EOGT: variants seen among roughly 807,000 people sequenced by gnomAD.
EOGT encodes the protein EGF domain specific O-linked N-acetylglucosamine transferase.
Under a neutral mutation model 70.5 loss-of-function variants are expected in EOGT, and 55 were observed. The observed-to-expected ratio is 0.78, with a 90% CI of 0.63 to 0.98. The LOEUF is 0.98. EOGT is among the 50% of genes least tolerant of loss of function. The pLI, the probability that EOGT is intolerant of heterozygous loss-of-function variation, is 0.00. For synonymous variants in EOGT, 246 were observed against 217.1 expected (o/e 1.13, Z -1.17); for missense variants, 703 against 641.9 (o/e 1.10, Z -1.03).
chr3:68,976,652 G>GTGTGTA lies in EOGT; in HGVS notation c.*965_*966insTACACA, dbSNP rs1196378828. 1 of 152,230 alleles carries GTGTGTA rather than the reference G, an allele frequency of 6.6e-6. No homozygotes were observed. Among genetic ancestry groups the GTGTGTA allele is most frequent in the African/African-American group, 2.4e-5 (1 of 41,240 alleles). The allele number at this position is 152,230 out of a possible 1,614,324, so 9.4% of individuals were successfully genotyped here. A position where few individuals can be genotyped will look rare whatever the true frequency, so the allele number is the denominator to read the frequency against. On this transcript the variant is annotated 3_prime_UTR_variant, in exon 18 of 18. Transcript: ENST00000383701. ...GAATCACAACTCTGCGTGTGTGTGT[G>GTGTGTA]TGTGTGTGTGTGTGTGTGTATGTTT...
intron 15 of EOGT, among the ~76,000 whole-genome samples, chr3:68,981,971 A>G (rs942411988): frequency 1.3e-5 from 2 of 151,988 alleles, no homozygotes; most frequent in Non-Finnish European, 2.9e-5. Context: ...CAATGGTGCA[A>G]TGTCAGCTCC....
chr3:69,009,307 T>A lies in EOGT; in HGVS notation c.210+330A>T, dbSNP rs1007630198. On this transcript the variant is annotated intron_variant, in intron 4 of 17. Transcript: ENST00000383701. ...CTAACCGATCCTCTCATGTGCCGTT[T>A]AAGAAAGAAGAGGTGTGAAATTCTT... Among the ~76,000 whole-genome samples, 29 of 152,252 alleles carry A rather than the reference T, an allele frequency of 1.9e-4. 1 individual carries two copies. Among genetic ancestry groups the A allele is most frequent in the Admixed American group, 2.6e-4 (4 of 15,288 alleles).
At position 68,987,532 on chromosome 3, in the gene EOGT, G is replaced by A. The variant is rs4855541; in HGVS notation, c.1084-19C>T. On this transcript the variant is annotated intron_variant, in intron 13 of 17. Coordinates refer to ENST00000383701, the MANE Select transcript of EOGT (RefSeq NM_001278689.2). ...TTCCATCCTGTAATCAAAATGAAACGGTAAAATAACACTGCATATGCCTGG... is the reference window on the plus strand; with the variant it reads ...TTCCATCCTGTAATCAAAATGAAACAGTAAAATAACACTGCATATGCCTGG... The A allele has an allele frequency of 0.35, 548,451 of 1,584,946 alleles. 99,415 individuals are homozygous for A. Among genetic ancestry groups the A allele is most frequent in the East Asian group, 0.54 (24,181 of 44,594 alleles).
At position 69,008,544 on chromosome 3, in the gene EOGT, TAC is replaced by T. The variant is rs779913919; in HGVS notation, c.211-18_211-17del. On this transcript the variant is annotated splice_polypyrimidine_tract_variant and intron_variant, in intron 4 of 17. Coordinates refer to ENST00000383701, the MANE Select transcript of EOGT (RefSeq NM_001278689.2). Reference sequence around the variant, plus strand: ...CTAGGTGTTTCTAGAACATAAAACTTACATTGATTTCCCTTCTTCTGACATTT... The same window carrying T: ...CTAGGTGTTTCTAGAACATAAAACTTATTGATTTCCCTTCTTCTGACATTT... The T allele has an allele frequency of 2.6e-6, 4 of 1,567,976 alleles. No individual in the cohort carries two copies. In the African/African-American group the frequency reaches 5.4e-5, roughly 21 times the overall value.
intron 9 of EOGT, among the ~76,000 whole-genome samples, chr3:69,000,031 G>A (rs1413287252): frequency 6.6e-6 from 1 of 152,144 alleles, no homozygotes; most frequent in Non-Finnish European, 1.5e-5. Flanking sequence ...AGACCAGTCT[G>A]AGCAATCCAT....
intron 10 of EOGT, among the ~76,000 whole-genome samples, chr3:68,997,647 G>A (rs982522566): frequency 6.6e-5 from 10 of 152,094 alleles, no homozygotes; most frequent in African/African-American, 2.4e-5. Context: ...GTGATTATAG[G>A]CGTGAGCCAC....
chr3:68,996,646 C>T lies in EOGT; in HGVS notation c.831+1365G>A, dbSNP rs143687051. Among the ~76,000 whole-genome samples the T allele has an allele frequency of 3.1e-3, 472 of 152,288 alleles. 3 individuals are homozygous for T. Among genetic ancestry groups the T allele is most frequent in the African/African-American group, 0.011 (442 of 41,568 alleles). On this transcript the variant is annotated intron_variant, in intron 10 of 17. Coordinates refer to ENST00000383701, the MANE Select transcript of EOGT (RefSeq NM_001278689.2). ...AGGCATCGCCTGTACCTGCCCCAGGCGAATCTTGTCTCCTTGCACCTGAGC... is the reference window on the plus strand; with the variant it reads ...AGGCATCGCCTGTACCTGCCCCAGGTGAATCTTGTCTCCTTGCACCTGAGC...
In EOGT at chr3:68,975,959, A is replaced by T. The variant is rs2090462485; in HGVS notation, c.*1659T>A. 1 of 152,206 alleles carries T rather than the reference A, an allele frequency of 6.6e-6. No homozygotes were observed. Among genetic ancestry groups the T allele is most frequent in the Admixed American group, 6.5e-5 (1 of 15,272 alleles). 9.4% of individuals were successfully genotyped at this position (152,206 alleles called of 1,614,324 possible). On this transcript the variant is annotated 3_prime_UTR_variant, in exon 18 of 18. Coordinates refer to ENST00000383701, the MANE Select transcript of EOGT (RefSeq NM_001278689.2). ...CTGTAATTTGTTACTCCATTATTTTAAAAAATAGAAGTAACTAGTCTCTAA... is the reference window on the plus strand; with the variant it reads ...CTGTAATTTGTTACTCCATTATTTTTAAAAATAGAAGTAACTAGTCTCTAA...
chr3:69,009,933 C>CAACAAAAAAAAA, intron 3 of EOGT, 73 bp from the exon 4 acceptor site: 39 of 255,126 alleles, frequency 1.5e-4, no homozygotes, highest in South Asian at 3.3e-4. Flanking sequence ...ACAACAACAA[C>CAACAAAAAAAAA]AAAAAAAAAA....
At chr3:68,988,077 G>C (rs2107216477) in intron 13 of EOGT, among the ~76,000 whole-genome samples, 1 of 152,294 alleles carries the variant, frequency 6.6e-6, no homozygotes, top group Non-Finnish European at 1.5e-5. Context: ...ACCTCGTCCA[G>C]CTAATTTTTG....
At chr3:68,992,089 A>G (rs1398841535) in intron 10 of EOGT, among the ~76,000 whole-genome samples, 2 of 152,154 alleles carry the variant, frequency 1.3e-5, no homozygotes, top group Non-Finnish European at 2.9e-5. Flanking sequence ...GACACAGCCA[A>G]ACCATATCAT....
In EOGT at chr3:68,987,524, A is replaced by T. The variant is rs1559593094; in HGVS notation, c.1084-11T>A. The stretch of plus-strand genomic sequence containing the variant: ...TCGAATTTTTCCATCCTGTAATCAA[A>T]ATGAAACGGTAAAATAACACTGCAT... On this transcript the variant is annotated splice_polypyrimidine_tract_variant and intron_variant, in intron 13 of 17. Transcript: ENST00000383701. The T allele has an allele frequency of 6.2e-7, 1 of 1,605,974 alleles. No homozygotes were observed. The highest frequency in any genetic ancestry group is 8.5e-7 in the Non-Finnish European group (1 of 1,172,798).
At chr3:68,978,558 A>T (rs2090540340) in intron 16 of EOGT, 123 bp from the exon 17 acceptor site, 2 of 611,238 alleles carry the variant, frequency 3.3e-6, no homozygotes, top group Admixed American at 6.7e-5. Flanking sequence ...AACAAGACTG[A>T]GGAAGACAGT....
At chr3:68,998,853 C>T (rs62254190) in intron 9 of EOGT, among the ~76,000 whole-genome samples, 1 of 44,918 alleles carries the variant, frequency 2.2e-5, no homozygotes, top group African/African-American at 9.3e-5. Flanking sequence ...AAAAAAAAAC[C>T]AGAAAAAAAA....
intron 10 of EOGT, among the ~76,000 whole-genome samples, chr3:68,997,403 C>G (rs149211682): frequency 8.7e-5 from 13 of 149,262 alleles, no homozygotes; most frequent in Middle Eastern, 7.0e-3. Context: ...GAGTCTTGCT[C>G]TGTCACCCAG....
chr3:69,001,132 GT>G (rs1364967393), intron 9 of EOGT, among the ~76,000 whole-genome samples: 2 of 151,712 alleles, frequency 1.3e-5, no homozygotes, highest in Non-Finnish European at 1.5e-5. Flanking sequence ...AATTTTTTGT[GT>G]TTTTTTAGTA....
chr3:68,989,726 C>G (rs1226258411), intron 10 of EOGT, among the ~76,000 whole-genome samples: 2 of 116,772 alleles, frequency 1.7e-5, no homozygotes, highest in African/African-American at 6.7e-5. Flanking sequence ...CCAGCCTGGG[C>G]AACAAGAGCG....
At chr3:68,986,715 A>T (rs2107203230) in intron 14 of EOGT, among the ~76,000 whole-genome samples, 1 of 152,276 alleles carries the variant, frequency 6.6e-6, no homozygotes, top group South Asian at 2.1e-4. Flanking sequence ...CAAAGCACTT[A>T]TCACTGCCTG....
intron 6 of EOGT, among the ~76,000 whole-genome samples, chr3:69,006,973 A>G (rs1015927999): frequency 1.3e-5 from 2 of 152,254 alleles, no homozygotes; most frequent in Non-Finnish European, 2.9e-5. Flanking sequence ...ATCAAACGAG[A>G]TAACACACAG....
Sources: allele counts gnomAD v4.1 joint callset (sites outside exome capture counted in the v4.1 genomes callset), GRCh38; gene constraint gnomAD v4.1.1; transcripts MANE v1.5; gene names NCBI Gene and HGNC (gene_info 2026-07-23, HGNC 2026-07-21).